The following LRRC7 variants were observed in gnomAD, a reference collection of about 807,000 sequenced individuals.
LRRC7 encodes the protein leucine rich repeat containing 7.
In LRRC7, 23 loss-of-function variants were observed where a neutral mutation model predicts 175.7. That is an observed-to-expected ratio of 0.13 (90% CI 0.09 to 0.19). The LOEUF is 0.19. Ranked by LOEUF, LRRC7 falls within the 10% of genes least tolerant of loss-of-function variation. The pLI is 1.00. For synonymous variants in LRRC7, 685 were observed against 680.9 expected (o/e 1.01, Z -0.09); for missense variants, 1,354 against 1,904.7 (o/e 0.71, Z 5.38).
chr1:70,120,835 G>A (rs1666165946), intron 26 of LRRC7, among the ~76,000 whole-genome samples: 1 of 151,978 alleles, frequency 6.6e-6, no homozygotes, highest in African/African-American at 2.4e-5. Context: ...CAGTCATTCA[G>A]TTGCCAAGAT....
At chr1:69,958,337 G>T in intron 8 of LRRC7, among the ~76,000 whole-genome samples, 1 of 151,996 alleles carries the variant, frequency 6.6e-6, no homozygotes, top group African/African-American at 2.4e-5. Flanking sequence ...AGGTCATAAA[G>T]ACTTCCACAA....
chr1:70,070,566 C>G (rs142393733), intron 23 of LRRC7, among the ~76,000 whole-genome samples: 141 of 152,274 alleles, frequency 9.3e-4, no homozygotes, highest in African/African-American at 3.3e-3. Context: ...TTACTTAAAG[C>G]TTCTGTTTTA....
chr1:69,977,594 T>C (rs1570884494), intron 8 of LRRC7, among the ~76,000 whole-genome samples: 3 of 152,204 alleles, frequency 2.0e-5, no homozygotes, highest in Non-Finnish European at 2.9e-5. Flanking sequence ...ATCCTCCCTT[T>C]GTATTTCCCA....
At chr1:69,585,061 C>T (rs1646353714) in intron 1 of LRRC7, among the ~76,000 whole-genome samples, 1 of 152,138 alleles carries the variant, frequency 6.6e-6, no homozygotes, top group Non-Finnish European at 1.5e-5. Context: ...TGATTGTAAA[C>T]TGCTAGACTG....
chr1:69,584,681 C>T (rs1441351381), intron 1 of LRRC7, among the ~76,000 whole-genome samples: 1 of 151,996 alleles, frequency 6.6e-6, no homozygotes, highest in African/African-American at 2.4e-5. Context: ...TTACCCCTTC[C>T]CCAGTTAAAA....
chr1:69,757,967 C>G (rs1328198948), intron 2 of LRRC7, among the ~76,000 whole-genome samples: 2 of 151,894 alleles, frequency 1.3e-5, no homozygotes, highest in East Asian at 3.9e-4. Flanking sequence ...ATTTTAGATT[C>G]TGCTTCTTAA....
chr1:69,977,777 T>C (rs960894116), intron 8 of LRRC7, among the ~76,000 whole-genome samples: 14 of 152,170 alleles, frequency 9.2e-5, no homozygotes, highest in African/African-American at 3.4e-4. Flanking sequence ...TATCACAAGA[T>C]AATGGGGCAG....
At chr1:69,847,916 A>G (rs1682554194) in intron 7 of LRRC7, among the ~76,000 whole-genome samples, 1 of 152,164 alleles carries the variant, frequency 6.6e-6, no homozygotes, top group African/African-American at 2.4e-5. Context: ...AAGAATTGTC[A>G]TAGCTTGAAG....
intron 2 of LRRC7, among the ~76,000 whole-genome samples, chr1:69,727,680 A>T (rs1300801006): frequency 6.6e-6 from 1 of 152,210 alleles, no homozygotes; most frequent in East Asian, 1.9e-4. Flanking sequence ...GGAATTTAGA[A>T]ACTATAAACC....
intron 7 of LRRC7, among the ~76,000 whole-genome samples, chr1:69,910,921 C>G (rs551171184): frequency 1.3e-5 from 2 of 152,344 alleles, no homozygotes; most frequent in African/African-American, 4.8e-5. Context: ...CTTCCCCAGC[C>G]TCGCTGCCGC....
chr1:69,776,349 A>T (rs758976561), intron 3 of LRRC7, among the ~76,000 whole-genome samples: 1 of 152,230 alleles, frequency 6.6e-6, no homozygotes, highest in African/African-American at 2.4e-5. Context: ...AATACAAAAA[A>T]GCTGGCCTCT....
chr1:69,829,095 T>C (rs1226971269), intron 5 of LRRC7, among the ~76,000 whole-genome samples: 1 of 152,002 alleles, frequency 6.6e-6, no homozygotes, highest in East Asian at 1.9e-4. Flanking sequence ...TTCTTTGATT[T>C]GCTGATTCTT....
chr1:69,589,339 T>C (rs529432513), intron 1 of LRRC7, among the ~76,000 whole-genome samples: 6 of 152,140 alleles, frequency 3.9e-5, no homozygotes, highest in Non-Finnish European at 8.8e-5. Flanking sequence ...CAGGTATCTA[T>C]ATTTTATGTT....
At chr1:69,971,595 C>T (rs757138278) in intron 8 of LRRC7, among the ~76,000 whole-genome samples, 47 of 152,016 alleles carry the variant, frequency 3.1e-4, no homozygotes, top group Non-Finnish European at 2.6e-4. Flanking sequence ...AGGAAAACAA[C>T]AAAACACTGC....
At chr1:69,627,041 C>T (rs1651699989) in intron 1 of LRRC7, among the ~76,000 whole-genome samples, 1 of 152,080 alleles carries the variant, frequency 6.6e-6, no homozygotes, top group African/African-American at 2.4e-5. Context: ...CATACATGTG[C>T]TTGTGTCTTT....
intron 8 of LRRC7, among the ~76,000 whole-genome samples, chr1:69,933,271 A>G (rs1282771521): frequency 1.3e-5 from 2 of 152,224 alleles, no homozygotes; most frequent in Non-Finnish European, 2.9e-5. Flanking sequence ...GTTACAAAGC[A>G]GTTTGCAGGG....
chr1:70,084,123 C>G (rs753055158), intron 24 of LRRC7, among the ~76,000 whole-genome samples: 2 of 152,106 alleles, frequency 1.3e-5, no homozygotes, highest in African/African-American at 4.8e-5. Flanking sequence ...TCTATTCTTT[C>G]TTTAGCTCTG....
At chr1:69,689,641 A>T (rs1661596319) in intron 2 of LRRC7, among the ~76,000 whole-genome samples, 1 of 152,176 alleles carries the variant, frequency 6.6e-6, no homozygotes, top group South Asian at 2.1e-4. Context: ...TTCATCATTA[A>T]GATGACTATT....
intron 11 of LRRC7, among the ~76,000 whole-genome samples, chr1:70,003,349 A>G (rs142545892): frequency 1.3e-5 from 2 of 152,320 alleles, no homozygotes; most frequent in African/African-American, 4.8e-5. Context: ...AGTCCATAAC[A>G]TATATCTTTT....
Sources: gnomAD v4.1 joint callset for allele counts (sites outside exome capture counted in the v4.1 genomes callset) on GRCh38, gnomAD v4.1.1 for gene constraint, MANE v1.5 for transcripts, NCBI Gene and HGNC (gene_info 2026-07-23, HGNC 2026-07-21) for gene names.